The following NAV2 variants were observed in gnomAD, a reference collection of about 807,000 sequenced individuals.
NAV2 encodes the protein neuron navigator 2.
A neutral mutation model predicts 223.2 loss-of-function variants in NAV2; 54 were observed. The observed-to-expected ratio is 0.24, with a 90% CI of 0.19 to 0.30. The LOEUF (loss-of-function observed/expected upper bound fraction) is 0.30, where lower values mean the gene tolerates loss of function less well. Among genes scored for constraint, NAV2 ranks in the 10% least tolerant of loss-of-function variants. The pLI is 1.00. For missense variants in NAV2, 2,806 were observed against 3,147.5 expected (o/e 0.89, Z 2.60); for synonymous variants, 1,279 against 1,239.3 (o/e 1.03, Z -0.67).
intron 11 of NAV2, among the ~76,000 whole-genome samples, chr11:19,992,583 CTTTTTTTTTT>C (rs780559920): frequency 9.7e-6 from 1 of 103,548 alleles, no homozygotes; most frequent in East Asian, 2.9e-4. Flanking sequence ...TCCTGAAGTA[CTTTTTTTTTT>C]TTTTTTTTTT....
intron 1 of NAV2, among the ~76,000 whole-genome samples, chr11:19,831,458 G>T (rs866087177): frequency 9.2e-5 from 14 of 152,066 alleles, no homozygotes; most frequent in African/African-American, 3.4e-4. Context: ...ACCAGTTGAG[G>T]CAGGACATTC....
At chr11:19,845,272 C>T (rs1476883226) in intron 3 of NAV2, among the ~76,000 whole-genome samples, 1 of 152,172 alleles carries the variant, frequency 6.6e-6, no homozygotes, top group African/African-American at 2.4e-5. Context: ...TGGTTAACCT[C>T]CCAATTAGAC....
intron 5 of NAV2, among the ~76,000 whole-genome samples, chr11:19,889,266 A>G (rs569758079): frequency 6.6e-6 from 1 of 152,252 alleles, no homozygotes; most frequent in South Asian, 2.1e-4. Context: ...TTTGTTTGTG[A>G]ACCAAATTTT....
At chr11:19,956,978 A>G (rs1852289381) in intron 10 of NAV2, among the ~76,000 whole-genome samples, 1 of 152,214 alleles carries the variant, frequency 6.6e-6, no homozygotes, top group Admixed American at 6.5e-5. Flanking sequence ...TTTGCTATGA[A>G]TAACAAAAGA....
At chr11:20,023,828 T>A (rs2054777426) in intron 11 of NAV2, among the ~76,000 whole-genome samples, 1 of 152,026 alleles carries the variant, frequency 6.6e-6, no homozygotes, top group Non-Finnish European at 1.5e-5. Flanking sequence ...GGGAAGCACA[T>A]TTCTGTTTTT....
intron 4 of NAV2, among the ~76,000 whole-genome samples, chr11:19,877,476 T>G (rs1484341170): frequency 7.6e-6 from 1 of 131,874 alleles, no homozygotes; most frequent in African/African-American, 3.0e-5. Flanking sequence ...CATTCTTTTT[T>G]TTTTTTTTTT....
At chr11:19,643,335 C>A (rs2047720027) in intron 1 of NAV2, among the ~76,000 whole-genome samples, 1 of 123,056 alleles carries the variant, frequency 8.1e-6, no homozygotes, top group African/African-American at 3.1e-5. Context: ...CCACGACAGG[C>A]CCCAGTGTGT....
intron 1 of NAV2, among the ~76,000 whole-genome samples, chr11:19,390,789 G>A (rs1045387001): frequency 2.6e-5 from 4 of 152,132 alleles, no homozygotes; most frequent in Non-Finnish European, 4.4e-5. Flanking sequence ...GAAGATCAGG[G>A]GAAGAAGAAG....
intron 1 of NAV2, among the ~76,000 whole-genome samples, chr11:19,692,053 T>A (rs897756033): frequency 6.6e-6 from 1 of 152,228 alleles, no homozygotes; most frequent in African/African-American, 2.4e-5. Context: ...TGTGATTCCA[T>A]GGCCAAGTGC....
At chr11:19,674,510 G>A (rs1168654020) in intron 1 of NAV2, among the ~76,000 whole-genome samples, 1 of 152,204 alleles carries the variant, frequency 6.6e-6, no homozygotes, top group African/African-American at 2.4e-5. Flanking sequence ...TCTTCTCCCA[G>A]TTTTGCAGTG....
At chr11:19,418,031 A>C (rs1477211824) in intron 1 of NAV2, among the ~76,000 whole-genome samples, 1 of 152,164 alleles carries the variant, frequency 6.6e-6, no homozygotes, top group Non-Finnish European at 1.5e-5. Context: ...TGATGGGTTG[A>C]TGGGTCCAGC....
At chr11:19,390,682 G>A (rs1429840674) in intron 1 of NAV2, among the ~76,000 whole-genome samples, 1 of 152,166 alleles carries the variant, frequency 6.6e-6, no homozygotes, top group Non-Finnish European at 1.5e-5. Flanking sequence ...GGAAAGTATA[G>A]TAGGGTAAGT....
chr11:19,462,743 T>G (rs1414671166), intron 1 of NAV2, among the ~76,000 whole-genome samples: 1 of 152,214 alleles, frequency 6.6e-6, no homozygotes, highest in Non-Finnish European at 1.5e-5. Flanking sequence ...TCCATCAGTC[T>G]TTGAGAGACT....
At chr11:19,746,396 TTTGA>T (rs2152480501) in intron 1 of NAV2, among the ~76,000 whole-genome samples, 1 of 152,262 alleles carries the variant, frequency 6.6e-6, no homozygotes, top group East Asian at 1.9e-4. Context: ...CTAGAGTAAA[TTTGA>T]TTGTCACACA....
At chr11:20,004,935 G>A (rs1591625767) in intron 11 of NAV2, among the ~76,000 whole-genome samples, 1 of 152,128 alleles carries the variant, frequency 6.6e-6, no homozygotes, top group East Asian at 1.9e-4. Context: ...ACCAGTGAAT[G>A]ACTTGGAGTA....
chr11:20,105,367 G>GT, intron 34 of NAV2, 164 bp from the exon 35 acceptor site: 1 of 571,234 alleles, frequency 1.8e-6, no homozygotes, highest in East Asian at 2.9e-5. Context: ...GGAACTGTGA[G>GT]TTAATACATA....
At position 19,361,147 on chromosome 11, in the gene NAV2, T is replaced by C. The variant is rs544431946; in HGVS notation, c.75+10120T>C. Among the ~76,000 whole-genome samples, 7 of 147,616 alleles carry C rather than the reference T, an allele frequency of 4.7e-5. No homozygotes were observed. In the South Asian group the frequency reaches 8.5e-4, roughly 18 times the overall value. ...TAGTTTCTGCCTTGTAGGGTTGTAT[T>C]AGGTTAGATAAAATGAGTAAAGTAC... On this transcript the variant is annotated intron_variant, in intron 1 of 37. Transcript: ENST00000360655.
chr11:19,984,751 T>A (rs1565701428), intron 11 of NAV2, among the ~76,000 whole-genome samples: 1 of 152,148 alleles, frequency 6.6e-6, no homozygotes, highest in Non-Finnish European at 1.5e-5. Context: ...GTAGTTGACA[T>A]CATAGAGGTT....
At chr11:20,107,588 T>C in intron 35 of NAV2, 76 bp from the exon 36 acceptor site, 1 of 1,197,228 alleles carries the variant, frequency 8.4e-7, no homozygotes. Context: ...TGAAGGGTGC[T>C]CGGACCATGG....
Sources: gnomAD v4.1 joint callset for allele counts (sites outside exome capture counted in the v4.1 genomes callset) on GRCh38, gnomAD v4.1.1 for gene constraint, MANE v1.5 for transcripts, NCBI Gene and HGNC (gene_info 2026-07-23, HGNC 2026-07-21) for gene names.